STPG2: variants seen among roughly 807,000 people sequenced by gnomAD.
STPG2 encodes the protein sperm tail PG-rich repeat containing 2.
In STPG2, 56 loss-of-function variants were observed where a neutral mutation model predicts 54.2. The observed-to-expected ratio is 1.03, with a 90% confidence interval of 0.83 to 1.29. STPG2 has a LOEUF of 1.29. Among genes scored for constraint, STPG2 ranks in the 50% most tolerant of loss-of-function variants. STPG2 has a pLI of 0.00. For synonymous variants in STPG2, 200 were observed against 181.8 expected (o/e 1.10, Z -0.81); for missense variants, 596 against 544.9 (o/e 1.09, Z -0.93).
At chr4:98,098,394 G>T (rs1250511011) in intron 5 of STPG2, among the ~76,000 whole-genome samples, 1 of 152,092 alleles carries the variant, frequency 6.6e-6, no homozygotes, top group African/African-American at 2.4e-5. Context: ...TTCAATAAGT[G>T]GTGCTAGGAA....
intron 10 of STPG2, among the ~76,000 whole-genome samples, chr4:97,587,579 T>C (rs2148895668): frequency 6.6e-6 from 1 of 152,152 alleles, no homozygotes; most frequent in Middle Eastern, 3.4e-3. Flanking sequence ...TGTGGCCTTA[T>C]TTTTAACTTA....
chr4:97,749,824 T>G (rs923373018), intron 9 of STPG2, among the ~76,000 whole-genome samples: 1 of 151,826 alleles, frequency 6.6e-6, no homozygotes, highest in Non-Finnish European at 1.5e-5. Context: ...GTTTGTTCTC[T>G]CTGCAGAAAT....
At chr4:97,454,551 A>T (rs1434355016) in intron 4 of STPG2, among the ~76,000 whole-genome samples, 11 of 142,444 alleles carry the variant, frequency 7.7e-5, no homozygotes, top group Admixed American at 4.8e-4. Context: ...AAAAAAAAAA[A>T]AAAAAAGAAA....
chr4:97,953,346 T>C (rs1560607288), intron 7 of STPG2, among the ~76,000 whole-genome samples: 1 of 152,190 alleles, frequency 6.6e-6, no homozygotes, highest in Non-Finnish European at 1.5e-5. Flanking sequence ...AACAGCTGTC[T>C]AAGTTCTAGG....
intron 8 of STPG2, among the ~76,000 whole-genome samples, chr4:97,931,399 G>A (rs1362625674): frequency 1.3e-5 from 2 of 152,184 alleles, no homozygotes; most frequent in Non-Finnish European, 2.9e-5. Flanking sequence ...ATGCAGGCAT[G>A]TTGAATTTTA....
At chr4:98,079,730 C>A (rs1738283748) in intron 5 of STPG2, among the ~76,000 whole-genome samples, 1 of 152,032 alleles carries the variant, frequency 6.6e-6, no homozygotes, top group African/African-American at 2.4e-5. Context: ...AGCAATATTC[C>A]ATATGAGAAA....
At chr4:97,647,185 C>T (rs564114846) in intron 10 of STPG2, among the ~76,000 whole-genome samples, 1 of 152,218 alleles carries the variant, frequency 6.6e-6, no homozygotes, top group East Asian at 1.9e-4. Context: ...TTGTTGGGAG[C>T]ATGGGCATGT....
chr4:97,730,952 T>C (rs1724776566), intron 9 of STPG2, among the ~76,000 whole-genome samples: 1 of 152,226 alleles, frequency 6.6e-6, no homozygotes, highest in Non-Finnish European at 1.5e-5. Flanking sequence ...AACTTTTTCC[T>C]GAATCTTGAG....
chr4:97,986,963 T>C (rs1306063803), intron 5 of STPG2, among the ~76,000 whole-genome samples: 1 of 152,194 alleles, frequency 6.6e-6, no homozygotes, highest in East Asian at 1.9e-4. Flanking sequence ...AATTGACTTT[T>C]AATGTCATAT....
intron 5 of STPG2, among the ~76,000 whole-genome samples, chr4:98,064,724 C>T (rs1475616591): frequency 6.6e-6 from 1 of 152,144 alleles, no homozygotes; most frequent in Non-Finnish European, 1.5e-5. Context: ...ATATTGTCTA[C>T]CATCATTCAG....
intron 8 of STPG2, among the ~76,000 whole-genome samples, chr4:97,923,351 GC>G (rs1427349301): frequency 2.2e-5 from 2 of 91,802 alleles, no homozygotes; most frequent in Non-Finnish European, 4.3e-5. Context: ...GACAAGTGCC[GC>G]CCCCTGCTCC....
chr4:97,986,399 T>C (rs1039546235), intron 5 of STPG2, among the ~76,000 whole-genome samples: 1 of 152,110 alleles, frequency 6.6e-6, no homozygotes, highest in African/African-American at 2.4e-5. Flanking sequence ...TTCCTGGGAG[T>C]ATGTGAAATG....
At chr4:98,101,139 T>C (rs535252796) in intron 5 of STPG2, among the ~76,000 whole-genome samples, 1 of 152,332 alleles carries the variant, frequency 6.6e-6, no homozygotes, top group South Asian at 2.1e-4. Context: ...ATAGCAGCTA[T>C]TGAAAATTCT....
At chr4:97,799,798 TC>T (rs1727322559) in intron 9 of STPG2, among the ~76,000 whole-genome samples, 1 of 152,216 alleles carries the variant, frequency 6.6e-6, no homozygotes, top group Non-Finnish European at 1.5e-5. Context: ...GGTTCCATTC[TC>T]CCCGTCACTT....
intron 4 of STPG2, among the ~76,000 whole-genome samples, chr4:97,478,311 A>C (rs1021794575): frequency 6.6e-6 from 1 of 152,234 alleles, no homozygotes; most frequent in African/African-American, 2.4e-5. Context: ...ACTAATAGAA[A>C]GTCATATTTA....
chr4:97,625,216 G>C (rs981573261), intron 10 of STPG2, among the ~76,000 whole-genome samples: 1 of 152,106 alleles, frequency 6.6e-6, no homozygotes, highest in Non-Finnish European at 1.5e-5. Context: ...TTTTCAATAC[G>C]GAAAAACATT....
chr4:97,737,231 C>A (rs929977344), intron 9 of STPG2, among the ~76,000 whole-genome samples: 2 of 152,030 alleles, frequency 1.3e-5, no homozygotes, highest in Non-Finnish European at 2.9e-5. Flanking sequence ...CATCAAAGAC[C>A]AAAGGTAGAT....
At chr4:97,533,043 C>T (rs759331193) in intron 4 of STPG2, among the ~76,000 whole-genome samples, 12 of 152,098 alleles carry the variant, frequency 7.9e-5, no homozygotes, top group South Asian at 4.2e-4. Flanking sequence ...CCACCACACC[C>T]GGCTAATTTT....
chr4:97,623,067 T>C (rs952635942), intron 10 of STPG2, among the ~76,000 whole-genome samples: 2 of 152,102 alleles, frequency 1.3e-5, no homozygotes, highest in African/African-American at 4.8e-5. Flanking sequence ...GCTAGCCCTA[T>C]GCAGGTTAAA....
Sources: allele counts gnomAD v4.1 joint callset (sites outside exome capture counted in the v4.1 genomes callset), GRCh38; gene constraint gnomAD v4.1.1; transcripts MANE v1.5; gene names NCBI Gene and HGNC (gene_info 2026-07-23, HGNC 2026-07-21).